The following KCNQ1 variants were observed in gnomAD, a reference collection of about 807,000 sequenced individuals.
KCNQ1 encodes the protein potassium voltage-gated channel subfamily KQT member 1.
In KCNQ1, 49 loss-of-function variants were observed where a neutral mutation model predicts 72.4. The observed-to-expected ratio is 0.68, with a 90% CI of 0.54 to 0.86. The LOEUF (loss-of-function observed/expected upper bound fraction) is 0.86, where lower values mean the gene tolerates loss of function less well. Ranked by LOEUF, KCNQ1 falls within the 40% of genes least tolerant of loss-of-function variation. KCNQ1 has a pLI of 0.00. For synonymous variants in KCNQ1, 450 were observed against 412.6 expected, an observed-to-expected ratio of 1.09 and a Z score of -1.10; for missense variants, 790 against 945.1, an observed-to-expected ratio of 0.84 and a Z score of 2.15.
rs764984751 is a variant in KCNQ1 at position 2,527,908 on chromosome 11, G to A, written c.387-20G>A. ...ATGGGCAGAGGCCGTGATGCTGACT[G>A]CCGTGTCCCTGTCTTGCAGCTTCCT... is the stretch of plus-strand genomic sequence containing the variant. On this transcript the variant is annotated intron_variant, in intron 1 of 15. Coordinates refer to ENST00000155840, the MANE Select transcript of KCNQ1 (RefSeq NM_000218.3). 1.2e-6 allele frequency: 2 copies of A among 1,610,224 alleles called. No homozygotes were observed. Among genetic ancestry groups the A allele is most frequent in the African/African-American group, 2.7e-5 (2 of 74,854 alleles).
At position 2,678,684 on chromosome 11, in the gene KCNQ1, G is replaced by A. The variant is rs1291189266; in HGVS notation, c.1514+16603G>A. ...GTCAACCAGGGGAATTCATGGCATG[G>A]CCTAAGATCTAAACACTCTTAAGAT... On this transcript the variant is annotated intron_variant, in intron 11 of 15. Coordinates refer to ENST00000155840, the MANE Select transcript of KCNQ1 (RefSeq NM_000218.3). The surrounding 1 kb of genome is among the most constrained non-coding windows in gnomAD (Gnocchi z 4.9). 1.3e-5 allele frequency: 5 copies of A among 398,490 alleles called. No individual in the cohort carries two copies. The Admixed American group carries it at 2.2e-4, about 18-fold the overall frequency. The allele number at this position is 398,490 out of a possible 1,614,324, so 24.7% of individuals were successfully genotyped here. A position where few individuals can be genotyped will look rare whatever the true frequency, so the allele number is the denominator to read the frequency against.
Position 2,664,556 on chromosome 11 carries a change from C to T in KCNQ1, c.1514+2475C>T, listed in dbSNP as rs941796129. 7.5e-6 allele frequency: 3 copies of T among 398,676 alleles called. No individual in the cohort carries two copies. The highest frequency in any genetic ancestry group is 4.1e-5 in the African/African-American group (2 of 48,740). The allele number at this position is 398,676 out of a possible 1,614,324, so 24.7% of individuals were successfully genotyped here. A position where few individuals can be genotyped will look rare whatever the true frequency, so the allele number is the denominator to read the frequency against. ...CGCCTGGCGGCAGGGGTGTGGGGGC[C>T]GTGCAGGTCTTCTGCCCGCATTGGG... On this transcript the variant is annotated intron_variant, in intron 11 of 15. Coordinates refer to ENST00000155840, the MANE Select transcript of KCNQ1 (RefSeq NM_000218.3). The surrounding 1 kb of genome is among the most constrained non-coding windows in gnomAD (Gnocchi z 5.1).
chr11:2,606,989 A>G (rs1263414957), intron 10 of KCNQ1, among the ~76,000 whole-genome samples: 1 of 132,214 alleles, frequency 7.6e-6, no homozygotes, highest in East Asian at 2.3e-4. Context: ...TGCAAGCTCC[A>G]CCTCCCAGGT....
intron 15 of KCNQ1, among the ~76,000 whole-genome samples, chr11:2,791,386 C>G (rs1250381697): frequency 2.6e-5 from 4 of 152,130 alleles, no homozygotes. Context: ...CTGCCCTGGC[C>G]AACCTCAGAA....
At chr11:2,578,432 T>C (rs991346572) in intron 6 of KCNQ1, among the ~76,000 whole-genome samples, 4 of 152,290 alleles carry the variant, frequency 2.6e-5, no homozygotes, top group African/African-American at 9.6e-5. Flanking sequence ...GAGACAGGCA[T>C]CGTGCCACGA....
In KCNQ1 at chr11:2,698,603, C is replaced by A; in HGVS notation, c.1514+36522C>A. 1 of 398,600 alleles carries A rather than the reference C, an allele frequency of 2.5e-6. No individual in the cohort carries two copies. The allele number at this position is 398,600 out of a possible 1,614,324, so 24.7% of individuals were successfully genotyped here. ...CCACCTAGAGGCAGAACTTCGACTT[C>A]AATTCCTGACTCCCATACCCCACTG... On this transcript the variant is annotated intron_variant, in intron 11 of 15. Coordinates refer to ENST00000155840, the MANE Select transcript of KCNQ1 (RefSeq NM_000218.3). The surrounding 1 kb of genome is among the most constrained non-coding windows in gnomAD (Gnocchi z 5.1).
chr11:2,811,451 G>T (rs1396777137), intron 15 of KCNQ1, among the ~76,000 whole-genome samples: 1 of 152,252 alleles, frequency 6.6e-6, no homozygotes, highest in African/African-American at 2.4e-5. Flanking sequence ...CTGCACGCAT[G>T]AGGCTGTGCC....
rs1849170226 is a variant in KCNQ1, at chr11:2,621,419, A to C, written c.1393+32565A>C. The C allele has an allele frequency of 1.3e-5, 5 of 398,512 alleles. No homozygotes were observed. The highest frequency in any genetic ancestry group is 1.8e-5 in the Non-Finnish European group (4 of 226,036). The allele number at this position is 398,512 out of a possible 1,614,324, so 24.7% of individuals were successfully genotyped here. The stretch of plus-strand genomic sequence containing the variant: ...TCGTTTTTTGCTTGTTGATTGGTTT[A>C]AGTTCCTTATGGATTCTGGACATAG... On this transcript the variant is annotated intron_variant, in intron 10 of 15. Coordinates refer to ENST00000155840, the MANE Select transcript of KCNQ1 (RefSeq NM_000218.3). This position sits in a 1 kb window ranked among gnomAD's most constrained non-coding sequence, Gnocchi z 5.7.
intron 10 of KCNQ1, chr11:2,616,407 T>A: frequency 1.0e-5 from 4 of 398,024 alleles, no homozygotes; most frequent in Non-Finnish European, 1.8e-5. Context: ...TCTCCACTCA[T>A]ACATATTATT....
In KCNQ1 at chr11:2,544,266, G is replaced by GTATA. The variant is rs1564811919; in HGVS notation, c.477+16249_477+16250insATAT. 7.2e-5 allele frequency among the ~76,000 whole-genome samples: 10 copies of GTATA among 138,116 alleles called. No individual in the cohort carries two copies. The highest frequency in any genetic ancestry group is 2.3e-4 in the African/African-American group (8 of 35,260). 90.6% of individuals were successfully genotyped at this position (138,116 alleles called of 152,430 possible). A position where few individuals can be genotyped will look rare whatever the true frequency, so the allele number is the denominator to read the frequency against. On this transcript the variant is annotated intron_variant, in intron 2 of 15. Transcript: ENST00000155840. The surrounding 1 kb of genome is among the most constrained non-coding windows in gnomAD (Gnocchi z 4.4). The stretch of plus-strand genomic sequence containing the variant: ...TGTGTGTGTATATATATATGTGTGT[G>GTATA]TGTGTATATATATGTGTATATATAT...
In KCNQ1 at chr11:2,450,998, C is replaced by A. The variant is rs1415512548; in HGVS notation, c.386+5514C>A. 6.6e-6 allele frequency among the ~76,000 whole-genome samples: 1 copy of A among 152,100 alleles called. No homozygotes were observed. The highest frequency in any genetic ancestry group is 1.5e-5 in the Non-Finnish European group (1 of 68,018). On this transcript the variant is annotated intron_variant, in intron 1 of 15. Coordinates refer to ENST00000155840, the MANE Select transcript of KCNQ1 (RefSeq NM_000218.3). The surrounding 1 kb of genome is among the most constrained non-coding windows in gnomAD (Gnocchi z 7.9). ...CCCAGGTGTCTTCCCACTTCTCGAC[C>A]ATCTCCTGGGAAGTTCTAATGTTTG... is the stretch of plus-strand genomic sequence containing the variant.
chr11:2,678,293 C>T lies in KCNQ1; in HGVS notation c.1514+16212C>T. On this transcript the variant is annotated intron_variant, in intron 11 of 15. Transcript: ENST00000155840. This position sits in a 1 kb window ranked among gnomAD's most constrained non-coding sequence, Gnocchi z 4.9. ...CTGAAATTGTTTTAATAAATTCTTC[C>T]ATGTTTTCTTCTATCATTTTTTATT... 2.5e-6 allele frequency: 1 copy of T among 398,264 alleles called. No individual in the cohort carries two copies. Among genetic ancestry groups the T allele is most frequent in the Non-Finnish European group, 4.4e-6 (1 of 225,976 alleles). 24.7% of individuals were successfully genotyped at this position (398,264 alleles called of 1,614,324 possible).
intron 11 of KCNQ1, among the ~76,000 whole-genome samples, chr11:2,736,510 T>C (rs760464405): frequency 6.6e-6 from 1 of 152,098 alleles, no homozygotes; most frequent in African/African-American, 2.4e-5. Flanking sequence ...ACTTTGGGGA[T>C]GGGAGGCGCT....
Position 2,652,367 on chromosome 11 carries a change from A to C in KCNQ1, c.1394-9594A>C. ...TCCGCGATGTTGTGATGAAGGTGAA[A>C]AGATCGCTCTTAATTAGATTAAAAA... On this transcript the variant is annotated intron_variant, in intron 10 of 15. Coordinates refer to ENST00000155840, the MANE Select transcript of KCNQ1 (RefSeq NM_000218.3). This position sits in a 1 kb window ranked among gnomAD's most constrained non-coding sequence, Gnocchi z 5.9. 2 of 398,634 alleles carry C rather than the reference A, an allele frequency of 5.0e-6. No homozygotes were observed. Among genetic ancestry groups the C allele is most frequent in the East Asian group, 7.1e-5 (2 of 28,076 alleles). The allele number at this position is 398,634 out of a possible 1,614,324, so 24.7% of individuals were successfully genotyped here.
chr11:2,847,885 T>C lies in KCNQ1; in HGVS notation c.1913T>C (p.Ile638Thr). 6.3e-7 allele frequency: 1 copy of C among 1,582,544 alleles called. No individual in the cohort carries two copies. The highest frequency in any genetic ancestry group is 1.7e-4 in the Middle Eastern group (1 of 6,016). ...CCCCCCAGAGAGGGCGGGGCCCACA[T>C]CACCCAGCCCTGCGGCAGTGGCGGC... is the stretch of plus-strand genomic sequence containing the variant. Reference protein sequence around the residue: ...GGPPREGGAHITQPCGSGGSV... With the variant: ...GGPPREGGAHTTQPCGSGGSV... Residue 638 changes from isoleucine (I) to threonine (T), a missense_variant, in exon 16 of 16, where the codon ATC becomes ACC. By Grantham distance (89) the Ile-to-Thr change is moderately conservative (BLOSUM62 -1). Around this residue, in one of 5 missense-constraint regions of KCNQ1, gnomAD observed 94 missense variants for 85.2 expected, o/e 1.10. Transcript: ENST00000155840.
chr11:2,777,117 G>T (rs1846722687), intron 14 of KCNQ1, 85 bp downstream of exon 14: 1 of 1,339,804 alleles, frequency 7.5e-7, no homozygotes, highest in Non-Finnish European at 1.1e-6. Context: ...TCCCCATGAT[G>T]TCAGAATGGG....
At chr11:2,660,343 T>C (rs986838104) in intron 10 of KCNQ1, 1 of 398,396 alleles carries the variant, frequency 2.5e-6, no homozygotes, top group African/African-American at 2.1e-5. Context: ...AAATTAGGAA[T>C]AAATTTAAGA....
Position 2,668,373 on chromosome 11 carries a change from T to C in KCNQ1, c.1514+6292T>C, listed in dbSNP as rs922980650. ...TGGGCATATGTTTACTCTTAGTGAA[T>C]ACTACCCAGCAGTCTACCAAAGGAG... On this transcript the variant is annotated intron_variant, in intron 11 of 15. Transcript: ENST00000155840. The surrounding 1 kb of genome is among the most constrained non-coding windows in gnomAD (Gnocchi z 4.3). 3.0e-5 allele frequency: 12 copies of C among 398,628 alleles called. No homozygotes were observed. The East Asian group carries it at 4.3e-4, about 14-fold the overall frequency. 24.7% of individuals were successfully genotyped at this position (398,628 alleles called of 1,614,324 possible).
At position 2,735,752 on chromosome 11, in the gene KCNQ1, C is replaced by T. The variant is rs936365085; in HGVS notation, c.1515-33092C>T. On this transcript the variant is annotated intron_variant, in intron 11 of 15. Transcript: ENST00000155840. The surrounding 1 kb of genome is among the most constrained non-coding windows in gnomAD (Gnocchi z 7.7). Reference sequence around the variant, plus strand: ...GCTGGGTCCTCCTGCAGCCTCTCTCCGTGGCTTGTAGACATCACCTTCCCC... The same window carrying T: ...GCTGGGTCCTCCTGCAGCCTCTCTCTGTGGCTTGTAGACATCACCTTCCCC... Among the ~76,000 whole-genome samples, 3 of 152,144 alleles carry T rather than the reference C, an allele frequency of 2.0e-5. No homozygotes were observed. Among genetic ancestry groups the T allele is most frequent in the Admixed American group, 1.3e-4 (2 of 15,290 alleles).
Sources: gnomAD v4.1 joint callset for allele counts (sites outside exome capture counted in the v4.1 genomes callset) on GRCh38, gnomAD v4.1.1 for gene constraint, gnomAD v4.1.1 regional missense constraint, Gnocchi (gnomAD v3.1) non-coding constraint, MANE v1.5 for transcripts, NCBI Gene and HGNC (gene_info 2026-07-23, HGNC 2026-07-21) for gene names.